PRELID2: variants seen among roughly 807,000 people sequenced by gnomAD.
PRELID2 encodes PRELI domain containing 2.
A neutral mutation model predicts 28.4 loss-of-function variants in PRELID2; 25 were observed. The observed-to-expected ratio is 0.88, with a 90% CI of 0.64 to 1.23. The LOEUF is 1.23. PRELID2 is among the 50% of genes most tolerant of loss of function. The pLI, the probability that PRELID2 is intolerant of heterozygous loss-of-function variation, is 0.00. For missense variants in PRELID2, 201 were observed against 214.4 expected (o/e 0.94, Z 0.39); for synonymous variants, 76 against 71.6 (o/e 1.06, Z -0.31).
At chr5:145,578,385 T>G (rs1753079892) in intron 1 of PRELID2, among the ~76,000 whole-genome samples, 1 of 152,226 alleles carries the variant, frequency 6.6e-6, no homozygotes, top group South Asian at 2.1e-4. Context: ...AAAGAAAGTA[T>G]GATTTGAGTC....
the PRELID2 span, among the ~76,000 whole-genome samples, chr5:145,277,987 G>A: frequency 2.6e-5 from 4 of 152,118 alleles, no homozygotes; most frequent in Non-Finnish European, 5.9e-5. Flanking sequence ...CCCAGCCTGC[G>A]AGAACCAGTG....
chr5:145,621,691 G>T (rs938377231), intron 1 of PRELID2, among the ~76,000 whole-genome samples: 1 of 152,162 alleles, frequency 6.6e-6, no homozygotes, highest in Non-Finnish European at 1.5e-5. Flanking sequence ...GGCATCAAAG[G>T]GTAGGGGGAA....
At chr5:145,639,608 T>C (rs969417900) in intron 1 of PRELID2, among the ~76,000 whole-genome samples, 1 of 152,198 alleles carries the variant, frequency 6.6e-6, no homozygotes, top group Non-Finnish European at 1.5e-5. Flanking sequence ...CCCAAGATTC[T>C]TTGCTTCAAA....
chr5:145,355,494 T>A, the PRELID2 span, among the ~76,000 whole-genome samples: 2 of 152,138 alleles, frequency 1.3e-5, no homozygotes. Flanking sequence ...ATTAACTAAG[T>A]TTTTAAAATA....
chr5:145,476,889 T>G (rs1752107242), intron 1 of PRELID2, among the ~76,000 whole-genome samples: 2 of 152,302 alleles, frequency 1.3e-5, no homozygotes, highest in Non-Finnish European at 2.9e-5. Context: ...ACACAGTGCC[T>G]GATAAATCAT....
intron 1 of PRELID2, among the ~76,000 whole-genome samples, chr5:145,506,153 T>C (rs1026637364): frequency 6.6e-6 from 1 of 152,204 alleles, no homozygotes; most frequent in Non-Finnish European, 1.5e-5. Context: ...AAGAAAATTA[T>C]TGACCCACAA....
At chr5:145,353,080 C>CTA in the PRELID2 span, among the ~76,000 whole-genome samples, 5 of 152,170 alleles carry the variant, frequency 3.3e-5, no homozygotes, top group Non-Finnish European at 4.4e-5. Flanking sequence ...AAAGTCACTT[C>CTA]TACATTTTCA....
chr5:145,267,422 C>T, the PRELID2 span, among the ~76,000 whole-genome samples: 1 of 152,152 alleles, frequency 6.6e-6, no homozygotes, highest in Non-Finnish European at 1.5e-5. Flanking sequence ...TCACACTGTG[C>T]TTGGCTTATT....
the PRELID2 span, among the ~76,000 whole-genome samples, chr5:145,246,496 T>C: frequency 2.6e-5 from 4 of 152,108 alleles, no homozygotes; most frequent in African/African-American, 7.2e-5. Flanking sequence ...ATAGGTATTC[T>C]AGTTTAGATT....
chr5:145,542,394 A>G (rs911706641), intron 1 of PRELID2, among the ~76,000 whole-genome samples: 6 of 152,164 alleles, frequency 3.9e-5, no homozygotes, highest in African/African-American at 1.4e-4. Context: ...TATGTTTTTC[A>G]GATCTTTTAT....
the PRELID2 span, among the ~76,000 whole-genome samples, chr5:145,446,482 G>A: frequency 2.0e-5 from 3 of 152,016 alleles, no homozygotes; most frequent in African/African-American, 7.2e-5. Context: ...AACAGTATGG[G>A]GAGTAGTAGA....
At chr5:145,520,408 G>A (rs191933918) in intron 1 of PRELID2, among the ~76,000 whole-genome samples, 133 of 152,246 alleles carry the variant, frequency 8.7e-4, no homozygotes, top group Non-Finnish European at 1.2e-3. Context: ...CAAAGTATCC[G>A]TCAGGTCTCA....
At chr5:145,267,517 C>T in the PRELID2 span, among the ~76,000 whole-genome samples, 1 of 152,104 alleles carries the variant, frequency 6.6e-6, no homozygotes, top group Non-Finnish European at 1.5e-5. Context: ...ATAGTAAGTA[C>T]TCCATTGTGT....
chr5:145,411,669 C>T, the PRELID2 span, among the ~76,000 whole-genome samples: 1 of 152,222 alleles, frequency 6.6e-6, no homozygotes, highest in Non-Finnish European at 1.5e-5. Flanking sequence ...TGGCCTCCTT[C>T]TCACGCTCTA....
chr5:145,408,651 C>T, the PRELID2 span, among the ~76,000 whole-genome samples: 1 of 151,026 alleles, frequency 6.6e-6, no homozygotes, highest in Admixed American at 6.6e-5. Context: ...TCAAATTAAC[C>T]CAATGAGAAA....
the PRELID2 span, among the ~76,000 whole-genome samples, chr5:145,442,062 A>C: frequency 6.6e-6 from 1 of 152,120 alleles, no homozygotes; most frequent in Admixed American, 6.6e-5. Context: ...GGCCAGGAAG[A>C]ATAATTGATG....
the PRELID2 span, among the ~76,000 whole-genome samples, chr5:145,386,275 A>G: frequency 6.6e-6 from 1 of 151,996 alleles, no homozygotes; most frequent in Non-Finnish European, 1.5e-5. Context: ...AGGTGGAGGT[A>G]ACCACCCCCA....
the PRELID2 span, among the ~76,000 whole-genome samples, chr5:145,391,174 C>T: frequency 1.3e-5 from 2 of 152,166 alleles, no homozygotes; most frequent in Admixed American, 1.3e-4. Context: ...TGGTGGCCCT[C>T]TTCTCAAAAT....
At chr5:145,446,552 T>C in the PRELID2 span, among the ~76,000 whole-genome samples, 3 of 152,140 alleles carry the variant, frequency 2.0e-5, no homozygotes, top group African/African-American at 7.2e-5. Context: ...AGAACCTATG[T>C]AAGTTTAATG....
Sources: allele counts gnomAD v4.1 joint callset (sites outside exome capture counted in the v4.1 genomes callset), GRCh38; gene constraint gnomAD v4.1.1; transcripts MANE v1.5; gene names NCBI Gene and HGNC (gene_info 2026-07-23, HGNC 2026-07-21).